The following ROBO2 variants were observed in gnomAD, a reference collection of about 807,000 sequenced individuals.
The protein encoded by ROBO2 is roundabout guidance receptor 2.
ROBO2 carries 53 observed loss-of-function variants against 160.8 expected under a neutral mutation model. The observed-to-expected ratio is 0.33, with a 90% CI of 0.26 to 0.41. The LOEUF (loss-of-function observed/expected upper bound fraction) is 0.41, where lower values mean the gene tolerates loss of function less well. ROBO2 is among the 10% of genes least tolerant of loss of function. ROBO2 has a pLI of 1.00. For synonymous variants in ROBO2, 664 were observed against 611.7 expected, an observed-to-expected ratio of 1.09 and a Z score of -1.26; for missense variants, 1,577 against 1,722.4, an observed-to-expected ratio of 0.92 and a Z score of 1.49.
At chr3:76,148,429 A>G (rs557808257) in intron 2 of ROBO2, among the ~76,000 whole-genome samples, 1 of 152,140 alleles carries the variant, frequency 6.6e-6, no homozygotes, top group Non-Finnish European at 1.5e-5. Flanking sequence ...CTGGCATGCC[A>G]GGATGCTATA....
intron 19 of ROBO2, among the ~76,000 whole-genome samples, chr3:77,601,691 G>A (rs1376885166): frequency 6.6e-6 from 1 of 152,012 alleles, no homozygotes; most frequent in Non-Finnish European, 1.5e-5. Flanking sequence ...TCCTTTTCTG[G>A]AGCAATTAAA....
chr3:76,728,087 C>G (rs939949051), intron 2 of ROBO2, among the ~76,000 whole-genome samples: 4 of 151,060 alleles, frequency 2.6e-5, no homozygotes, highest in Non-Finnish European at 5.9e-5. Flanking sequence ...GACAAGTAAC[C>G]TATTGCTGAA....
intron 1 of ROBO2, among the ~76,000 whole-genome samples, chr3:75,913,509 G>T (rs1470935030): frequency 6.6e-6 from 1 of 152,074 alleles, no homozygotes; most frequent in Non-Finnish European, 1.5e-5. Flanking sequence ...ATTTATTTTT[G>T]AACCATTAGA....
chr3:76,680,899 C>G (rs1265540873), intron 2 of ROBO2, among the ~76,000 whole-genome samples: 3 of 152,042 alleles, frequency 2.0e-5, no homozygotes, highest in Non-Finnish European at 2.9e-5. Flanking sequence ...GCCTCAGCCT[C>G]CCGAGTAGCG....
chr3:76,525,670 C>T (rs567438320), intron 2 of ROBO2, among the ~76,000 whole-genome samples: 8 of 152,124 alleles, frequency 5.3e-5, no homozygotes, highest in Non-Finnish European at 1.2e-4. Context: ...CTTATCTCCT[C>T]TAGACAGACT....
chr3:76,760,519 A>G (rs1560513911), intron 2 of ROBO2, among the ~76,000 whole-genome samples: 2 of 151,788 alleles, frequency 1.3e-5, no homozygotes, highest in Non-Finnish European at 2.9e-5. Context: ...GGTGTCACTA[A>G]TCACCATGCA....
chr3:77,356,995 A>G (rs773732435), intron 2 of ROBO2, among the ~76,000 whole-genome samples: 40 of 152,204 alleles, frequency 2.6e-4, no homozygotes, highest in Non-Finnish European at 4.9e-4. Flanking sequence ...GGGAAGGAAG[A>G]AGTGTTTAGT....
chr3:76,058,398 A>G (rs371909355), intron 2 of ROBO2, among the ~76,000 whole-genome samples: 27 of 152,204 alleles, frequency 1.8e-4, no homozygotes, highest in East Asian at 1.8e-3. Context: ...AACAGATACT[A>G]TAGTTATTAC....
At chr3:76,354,749 C>T (rs1002674417) in intron 2 of ROBO2, among the ~76,000 whole-genome samples, 23 of 151,758 alleles carry the variant, frequency 1.5e-4, no homozygotes, top group African/African-American at 5.3e-4. Flanking sequence ...AAGGAAAAGT[C>T]ACTTCTTTCA....
chr3:75,934,322 A>T (rs1302773140), intron 1 of ROBO2, among the ~76,000 whole-genome samples: 1 of 152,230 alleles, frequency 6.6e-6, no homozygotes, highest in Non-Finnish European at 1.5e-5. Context: ...TACAAGTAAA[A>T]GTACATACAT....
At chr3:76,295,499 T>G (rs1709023654) in intron 2 of ROBO2, among the ~76,000 whole-genome samples, 1 of 152,202 alleles carries the variant, frequency 6.6e-6, no homozygotes, top group Admixed American at 6.5e-5. Flanking sequence ...TGAACACTCC[T>G]GTTTTCCACA....
chr3:76,273,888 C>T (rs1348943676), intron 2 of ROBO2, among the ~76,000 whole-genome samples: 1 of 152,100 alleles, frequency 6.6e-6, no homozygotes, highest in Non-Finnish European at 1.5e-5. Context: ...TCTCATAGCT[C>T]TGGAGGCTGG....
intron 2 of ROBO2, among the ~76,000 whole-genome samples, chr3:76,141,308 A>G (rs2071660182): frequency 6.7e-6 from 1 of 149,256 alleles, no homozygotes; most frequent in African/African-American, 2.5e-5. Context: ...TGGATATAAT[A>G]CTGACAGCCA....
chr3:77,383,523 T>G (rs2153489925), intron 2 of ROBO2, among the ~76,000 whole-genome samples: 1 of 152,262 alleles, frequency 6.6e-6, no homozygotes, highest in South Asian at 2.1e-4. Context: ...GAGCCAGTTT[T>G]AATTATTTAT....
chr3:76,505,175 T>G (rs536481300), intron 2 of ROBO2, among the ~76,000 whole-genome samples: 1 of 152,284 alleles, frequency 6.6e-6, no homozygotes, highest in East Asian at 1.9e-4. Flanking sequence ...TATGACTAAC[T>G]ACCTAAACAA....
chr3:76,080,788 T>C (rs2068799584), intron 2 of ROBO2, among the ~76,000 whole-genome samples: 1 of 152,164 alleles, frequency 6.6e-6, no homozygotes, highest in African/African-American at 2.4e-5. Context: ...GATATATGAG[T>C]CTTTATGCAA....
chr3:77,496,659 G>T (rs539022325), intron 5 of ROBO2, among the ~76,000 whole-genome samples: 25 of 152,194 alleles, frequency 1.6e-4, no homozygotes, highest in African/African-American at 5.8e-4. Flanking sequence ...TTATACGAAA[G>T]CTTTGTAGGG....
At chr3:76,727,437 T>C (rs2093569408) in intron 2 of ROBO2, among the ~76,000 whole-genome samples, 1 of 152,192 alleles carries the variant, frequency 6.6e-6, no homozygotes, top group Admixed American at 6.5e-5. Flanking sequence ...CAATTTATTT[T>C]GAGTAATGTG....
rs193141176 is a variant in ROBO2 at position 77,192,318 on chromosome 3, T to A, written c.388+93978T>A. On this transcript the variant is annotated intron_variant, in intron 2 of 25. Transcript: ENST00000461745. ...AGTACATTTTCCTAAGAATTTAAAA[T>A]GTAATTCCTTCATTTCATAAAGTCC... is the stretch of plus-strand genomic sequence containing the variant. Among the ~76,000 whole-genome samples, 4 of 152,314 alleles carry A rather than the reference T, an allele frequency of 2.6e-5. No individual in the cohort carries two copies. In the East Asian group the frequency reaches 7.7e-4, roughly 29 times the overall value.
Sources: gnomAD v4.1 joint callset for allele counts (sites outside exome capture counted in the v4.1 genomes callset) on GRCh38, gnomAD v4.1.1 for gene constraint, MANE v1.5 for transcripts, NCBI Gene and HGNC (gene_info 2026-07-23, HGNC 2026-07-21) for gene names.